Variants in EBF1 observed in about 807,000 individuals in gnomAD.
EBF1 encodes the protein EBF transcription factor 1.
In EBF1, 10 loss-of-function variants were observed where a neutral mutation model predicts 68.4. The ratio of observed to expected loss-of-function variants is 0.15; its 90% CI spans 0.09 to 0.25. The LOEUF is 0.25. EBF1 is among the 10% of genes least tolerant of loss of function. The pLI, the probability that EBF1 is intolerant of heterozygous loss-of-function variation, is 1.00. For synonymous variants in EBF1, 298 were observed against 299.8 expected (o/e 0.99, Z 0.06); for missense variants, 509 against 794.4 (o/e 0.64, Z 4.32).
intron 6 of EBF1, among the ~76,000 whole-genome samples, chr5:159,044,803 C>T (rs1772005363): frequency 1.3e-5 from 2 of 152,094 alleles, no homozygotes; most frequent in African/African-American, 4.8e-5. Context: ...TTCCTTATCT[C>T]ATCTATTTCA....
intron 6 of EBF1, among the ~76,000 whole-genome samples, chr5:158,866,271 T>C (rs532664315): frequency 1.3e-5 from 2 of 152,252 alleles, no homozygotes; most frequent in Admixed American, 6.5e-5. Flanking sequence ...GAAAGTCAGG[T>C]TTCCCCATTT....
chr5:158,863,596 T>C (rs1259560329), intron 6 of EBF1, among the ~76,000 whole-genome samples: 1 of 152,190 alleles, frequency 6.6e-6, no homozygotes, highest in Non-Finnish European at 1.5e-5. Context: ...GAAGACACTC[T>C]AGCTGTAAAC....
chr5:158,845,415 A>G (rs1791259730), intron 6 of EBF1, among the ~76,000 whole-genome samples: 1 of 152,162 alleles, frequency 6.6e-6, no homozygotes, highest in Non-Finnish European at 1.5e-5. Context: ...CTGTGCCTCA[A>G]TTTTCTCATC....
chr5:158,811,226 A>C (rs1374540274), intron 8 of EBF1, among the ~76,000 whole-genome samples: 2 of 152,082 alleles, frequency 1.3e-5, no homozygotes, highest in East Asian at 3.9e-4. Flanking sequence ...CCCATATATC[A>C]CTGCACATGC....
intron 6 of EBF1, among the ~76,000 whole-genome samples, chr5:158,953,188 G>A (rs566327312): frequency 6.6e-6 from 1 of 152,170 alleles, no homozygotes; most frequent in Non-Finnish European, 1.5e-5. Context: ...GTCTGGGACC[G>A]TCAAACCCTT....
chr5:158,944,208 T>C (rs1814144926), intron 6 of EBF1, among the ~76,000 whole-genome samples: 1 of 152,124 alleles, frequency 6.6e-6, no homozygotes, highest in Non-Finnish European at 1.5e-5. Flanking sequence ...CCTAATGCCA[T>C]CCCTCCCCTT....
intron 8 of EBF1, among the ~76,000 whole-genome samples, chr5:158,797,574 C>A (rs1779813449): frequency 6.6e-6 from 1 of 152,156 alleles, no homozygotes; most frequent in Non-Finnish European, 1.5e-5. Context: ...CGGGAAAAAA[C>A]TGGCAAAAAA....
At chr5:159,093,758 TGAG>T in intron 4 of EBF1, among the ~76,000 whole-genome samples, 2 of 152,272 alleles carry the variant, frequency 1.3e-5, no homozygotes, top group South Asian at 4.1e-4. Context: ...AATAAAATTT[TGAG>T]GAGGTTTAAT....
At chr5:159,067,987 C>G (rs1171733699) in intron 6 of EBF1, among the ~76,000 whole-genome samples, 1 of 152,118 alleles carries the variant, frequency 6.6e-6, no homozygotes, top group Non-Finnish European at 1.5e-5. Flanking sequence ...AAAGGTTTAT[C>G]GGAACGCTGA....
At chr5:158,963,660 T>C (rs745752234) in intron 6 of EBF1, among the ~76,000 whole-genome samples, 4 of 152,014 alleles carry the variant, frequency 2.6e-5, no homozygotes, top group Non-Finnish European at 4.4e-5. Context: ...GTAACTTGGG[T>C]AGGAAAAAAA....
intron 6 of EBF1, among the ~76,000 whole-genome samples, chr5:158,998,314 T>A (rs897550491): frequency 1.3e-5 from 2 of 152,124 alleles, no homozygotes; most frequent in African/African-American, 4.8e-5. Context: ...CGACAAGGCT[T>A]TCCTCCACCC....
chr5:158,715,488 A>T (rs963660649), intron 11 of EBF1, among the ~76,000 whole-genome samples: 3 of 152,254 alleles, frequency 2.0e-5, no homozygotes, highest in African/African-American at 7.2e-5. Context: ...GTAACTACTT[A>T]TGACATATCT....
chr5:159,020,261 T>C (rs964718882), intron 6 of EBF1, among the ~76,000 whole-genome samples: 1 of 152,168 alleles, frequency 6.6e-6, no homozygotes, highest in Admixed American at 6.5e-5. Context: ...CTGAGTTCCT[T>C]GAATTCGGTG....
intron 6 of EBF1, among the ~76,000 whole-genome samples, chr5:158,908,996 AAGG>A (rs1296014875): frequency 1.3e-5 from 2 of 152,158 alleles, no homozygotes; most frequent in East Asian, 3.8e-4. Flanking sequence ...GTATTATTTA[AAGG>A]AGATTTATGG....
chr5:158,992,917 C>CTTTTTTTTTTTTT (rs148629320), intron 6 of EBF1, among the ~76,000 whole-genome samples: 1 of 72,826 alleles, frequency 1.4e-5, no homozygotes, highest in Non-Finnish European at 2.4e-5. Context: ...CTGTTTCTTT[C>CTTTTTTTTTTTTT]TTTTTTTTTT....
intron 6 of EBF1, among the ~76,000 whole-genome samples, chr5:158,870,436 C>A (rs976985720): frequency 6.6e-6 from 1 of 152,130 alleles, no homozygotes; most frequent in Admixed American, 6.5e-5. Context: ...GTATTACCAG[C>A]ACTTTAGGAG....
At chr5:158,751,064 G>A (rs1768775661) in intron 10 of EBF1, among the ~76,000 whole-genome samples, 1 of 152,104 alleles carries the variant, frequency 6.6e-6, no homozygotes, top group Admixed American at 6.6e-5. Flanking sequence ...AAAACTGTGT[G>A]TGTGTAAACA....
At chr5:159,097,173 G>T in intron 1 of EBF1, 43 bp from the exon 2 acceptor site, 1 of 1,589,182 alleles carries the variant, frequency 6.3e-7, no homozygotes, top group Non-Finnish European at 8.6e-7. Flanking sequence ...ACCGGACGCC[G>T]ACCCGCGCCC....
At chr5:158,886,672 C>A (rs767698859) in intron 6 of EBF1, among the ~76,000 whole-genome samples, 1 of 152,194 alleles carries the variant, frequency 6.6e-6, no homozygotes, top group Non-Finnish European at 1.5e-5. Context: ...AAAATGCATA[C>A]TTATTTTAAA....
Sources: gnomAD v4.1 joint callset for allele counts (sites outside exome capture counted in the v4.1 genomes callset) on GRCh38, gnomAD v4.1.1 for gene constraint, MANE v1.5 for transcripts, NCBI Gene and HGNC (gene_info 2026-07-23, HGNC 2026-07-21) for gene names.